Variants in NUP188 observed in about 807,000 individuals in gnomAD.
NUP188 encodes the protein nucleoporin 188.
Under a neutral mutation model 223.0 loss-of-function variants are expected in NUP188, and 97 were observed. The observed-to-expected ratio is 0.43, with a 90% CI of 0.37 to 0.51. The LOEUF (loss-of-function observed/expected upper bound fraction) is 0.51, where lower values mean the gene tolerates loss of function less well. Ranked by LOEUF, NUP188 falls within the 20% of genes least tolerant of loss-of-function variation. NUP188 has a pLI of 0.00. For missense variants in NUP188, 1,947 were observed against 2,175.6 expected (o/e 0.89, Z 2.09); for synonymous variants, 869 against 828.0 (o/e 1.05, Z -0.85).
chr9:128,977,409 G>A (rs1048570977), intron 12 of NUP188, among the ~76,000 whole-genome samples: 11 of 151,278 alleles, frequency 7.3e-5, no homozygotes, highest in African/African-American at 1.7e-4. Context: ...ATGAGCCACC[G>A]TGCCCGACCA....
rs1209119836 is a variant in NUP188, at chr9:129,006,825, CCACT to C, written c.*148_*151del. 2 of 740,452 alleles carry C rather than the reference CCACT, an allele frequency of 2.7e-6. No individual in the cohort carries two copies. Among genetic ancestry groups the C allele is most frequent in the African/African-American group, 3.6e-5 (2 of 55,688 alleles). The allele number at this position is 740,452 out of a possible 1,614,324, so 45.9% of individuals were successfully genotyped here. On this transcript the variant is annotated 3_prime_UTR_variant, in exon 44 of 44. Transcript: ENST00000372577. ...GAGTAGCCACGACTCCAGCCACCAC[CCACT>C]GACGTTATTTTTATACTAGATGAAG...
chr9:128,993,476 C>G, intron 26 of NUP188, 49 bp from the exon 27 acceptor site: 1 of 1,612,734 alleles, frequency 6.2e-7, no homozygotes, highest in Non-Finnish European at 8.5e-7. Flanking sequence ...GCAAGTACAG[C>G]TGCTGGCAGT....
intron 8 of NUP188, among the ~76,000 whole-genome samples, chr9:128,961,000 A>G (rs1588271392): frequency 6.7e-6 from 1 of 150,272 alleles, no homozygotes; most frequent in Non-Finnish European, 1.5e-5. Context: ...TGGGAGATTC[A>G]CTTGAGCCTA....
Position 128,956,956 on chromosome 9 carries a change from TTGA to T in NUP188, c.255_257del (p.Asp85del). On this transcript the variant is annotated inframe_deletion, in exon 5 of 44. Coordinates refer to ENST00000372577, the MANE Select transcript of NUP188 (RefSeq NM_015354.3). ...CTTAAAATCTCTGTGTTTCAGGGTC[TTGA>T]TGAAGAACAGAGTGTGCAGTTACTC... 1 of 1,608,410 alleles carries T rather than the reference TTGA, an allele frequency of 6.2e-7. No individual in the cohort carries two copies. The highest frequency in any genetic ancestry group is 1.1e-5 in the South Asian group (1 of 90,174).
chr9:128,993,561 G>A lies in NUP188; in HGVS notation c.2884G>A (p.Val962Met). ...SLGMWSCLHA[V>M]LELIDSQQQD... ...TGGGATGTGGAGCTGTCTCCATGCAGTGCTGGAGCTGATTGATTCCCAACA... is the reference window on the plus strand; with the variant it reads ...TGGGATGTGGAGCTGTCTCCATGCAATGCTGGAGCTGATTGATTCCCAACA... The change falls in exon 27 of 44, where the codon GTG (valine) becomes ATG (methionine). Residue 962 changes from valine to methionine, a missense_variant. This residue lies in a region of NUP188 where 905 missense variants were observed against 990.6 expected (regional missense o/e 0.91). Coordinates refer to ENST00000372577, the MANE Select transcript of NUP188 (RefSeq NM_015354.3). 6.2e-7 allele frequency: 1 copy of A among 1,614,184 alleles called. No individual in the cohort carries two copies. Among genetic ancestry groups the A allele is most frequent in the South Asian group, 1.1e-5 (1 of 91,084 alleles).
Position 128,956,934 on chromosome 9 carries a change from A to C in NUP188, c.247-18A>C. 6.3e-7 allele frequency: 1 copy of C among 1,583,840 alleles called. No homozygotes were observed. Among genetic ancestry groups the C allele is most frequent in the Middle Eastern group, 1.7e-4 (1 of 5,954 alleles). ...GCGATTTCTGAGCTGTTCCTTACTT[A>C]AAATCTCTGTGTTTCAGGGTCTTGA... On this transcript the variant is annotated intron_variant, in intron 4 of 43. Coordinates refer to ENST00000372577, the MANE Select transcript of NUP188 (RefSeq NM_015354.3).
intron 8 of NUP188, among the ~76,000 whole-genome samples, chr9:128,960,955 C>G (rs1841939701): frequency 6.6e-6 from 1 of 151,828 alleles, no homozygotes; most frequent in Non-Finnish European, 1.5e-5. Context: ...TGTGGTGGCA[C>G]CCATCTGTAG....
chr9:128,990,721 C>T (rs1164459232), intron 25 of NUP188, among the ~76,000 whole-genome samples: 1 of 152,198 alleles, frequency 6.6e-6, no homozygotes, highest in Non-Finnish European at 1.5e-5. Flanking sequence ...AAAAATTAGC[C>T]AGGCATTATG....
chr9:128,957,472 CT>C (rs924245267), intron 5 of NUP188, among the ~76,000 whole-genome samples: 11 of 148,138 alleles, frequency 7.4e-5, no homozygotes, highest in Non-Finnish European at 1.5e-4. Context: ...GGTAGAGTTT[CT>C]TTTTTTTTTG....
chr9:128,986,796 T>C lies in NUP188; in HGVS notation c.2198-13T>C. 6.2e-7 allele frequency: 1 copy of C among 1,614,134 alleles called. No individual in the cohort carries two copies. Among genetic ancestry groups the C allele is most frequent in the Non-Finnish European group, 8.5e-7 (1 of 1,180,002 alleles). On this transcript the variant is annotated splice_polypyrimidine_tract_variant and intron_variant, in intron 21 of 43. Transcript: ENST00000372577. Reference sequence around the variant, plus strand: ...CAAGGCCACATCATTCCTCTGTCTTTTCTGGAGTCCAGGTTGCCTGATCTT... The same window carrying C: ...CAAGGCCACATCATTCCTCTGTCTTCTCTGGAGTCCAGGTTGCCTGATCTT...
intron 12 of NUP188, among the ~76,000 whole-genome samples, chr9:128,975,927 A>G (rs565897636): frequency 6.6e-6 from 1 of 151,816 alleles, no homozygotes; most frequent in East Asian, 1.9e-4. Flanking sequence ...GGTTCAAGTG[A>G]TTTTCCTGCC....
At chr9:128,964,364 CT>C (rs375961026) in intron 8 of NUP188, 20,648 of 197,306 alleles carry the variant, frequency 0.1, 185 homozygotes, top group South Asian at 0.2. Flanking sequence ...CACCTTAATT[CT>C]TTTTTTTTTT....
In NUP188 at chr9:129,005,467, C is replaced by T; in HGVS notation, c.4674C>T (p.Leu1558=). Residue 1558 remains leucine (L), a synonymous_variant, in exon 40 of 44, where the codon CTC becomes CTT. Transcript: ENST00000372577. ...TCCAGTATGGCCTTCTCAAGATCCT[C>T]AGCAAGACGCTGGCAGCCCTGCGCC... The part of the protein sequence containing the change: ...HTVQYGLLKI[L]SKTLAALRHF... The T allele has an allele frequency of 6.2e-7, 1 of 1,606,460 alleles. No homozygotes were observed. Among genetic ancestry groups the T allele is most frequent in the Non-Finnish European group, 8.5e-7 (1 of 1,179,994 alleles).
intron 27 of NUP188, 48 bp downstream of exon 27, chr9:128,993,742 G>A (rs566778336): frequency 6.5e-7 from 1 of 1,549,786 alleles, no homozygotes; most frequent in East Asian, 2.3e-5. Flanking sequence ...CTATAAAATG[G>A]GAGTAATAAT....
In NUP188 at chr9:128,947,721, T is replaced by TGGCGGCG; in HGVS notation, c.4_10dup (p.Ala4?). The TGGCGGCG allele has an allele frequency of 6.8e-7, 1 of 1,468,458 alleles. No homozygotes were observed. Among genetic ancestry groups the TGGCGGCG allele is most frequent in the Non-Finnish European group, 9.0e-7 (1 of 1,112,284 alleles). The allele number at this position is 1,468,458 out of a possible 1,614,324, so 91.0% of individuals were successfully genotyped here. A position where few individuals can be genotyped will look rare whatever the true frequency, so the allele number is the denominator to read the frequency against. ...GTTAGGGCGAGCGGGCGCGCGAAGATGGCGGCGGCCGCCGGCGGGCCGTGT... is the reference window on the plus strand; with the variant it reads ...GTTAGGGCGAGCGGGCGCGCGAAGATGGCGGCGGGCGGCGGCCGCCGGCGGGCCGTGT... On this transcript the variant is annotated frameshift_variant and start_lost, in exon 1 of 44. Coordinates refer to ENST00000372577, the MANE Select transcript of NUP188 (RefSeq NM_015354.3). LOFTEE classifies it high-confidence loss of function.
chr9:128,974,175 T>C (rs1309034268), intron 12 of NUP188, among the ~76,000 whole-genome samples: 1 of 152,130 alleles, frequency 6.6e-6, no homozygotes, highest in Non-Finnish European at 1.5e-5. Flanking sequence ...CCCAAAATGC[T>C]GGGATTACAG....
At chr9:128,991,048 T>C (rs1842418099) in intron 25 of NUP188, among the ~76,000 whole-genome samples, 3 of 152,054 alleles carry the variant, frequency 2.0e-5, no homozygotes, top group African/African-American at 7.2e-5. Context: ...ACATGCTTAT[T>C]GTAAAATATT....
chr9:128,958,618 T>A (rs1292405741), intron 6 of NUP188, among the ~76,000 whole-genome samples, 184 bp from the exon 7 acceptor site: 1 of 152,200 alleles, frequency 6.6e-6, no homozygotes, highest in Admixed American at 6.6e-5. Flanking sequence ...TCCTGTATAT[T>A]CTGGTTTATG....
intron 15 of NUP188, among the ~76,000 whole-genome samples, chr9:128,982,337 C>T (rs911241333): frequency 4.8e-5 from 7 of 146,512 alleles, no homozygotes; most frequent in Non-Finnish European, 9.0e-5. Flanking sequence ...GGCTGAAGCA[C>T]GAGAATCACT....
Sources: allele counts gnomAD v4.1 joint callset (sites outside exome capture counted in the v4.1 genomes callset), GRCh38; gene constraint gnomAD v4.1.1; regional missense constraint gnomAD v4.1.1; transcripts MANE v1.5; gene names NCBI Gene and HGNC (gene_info 2026-07-23, HGNC 2026-07-21).